Variants in OPCML observed in about 807,000 individuals in gnomAD.
OPCML encodes the protein opioid binding protein/cell adhesion molecule like.
OPCML carries 13 observed loss-of-function variants against 37.8 expected under a neutral mutation model. That is an observed-to-expected ratio of 0.34 (90% CI 0.22 to 0.55). OPCML has a LOEUF of 0.55. OPCML is among the 20% of genes least tolerant of loss of function. The pLI, the probability that OPCML is intolerant of heterozygous loss-of-function variation, is 0.91. For synonymous variants in OPCML, 176 were observed against 168.8 expected, an observed-to-expected ratio of 1.04 and a Z score of -0.33; for missense variants, 341 against 435.6, an observed-to-expected ratio of 0.78 and a Z score of 1.93.
chr11:132,694,177 GTCT>G lies in OPCML; in HGVS notation c.147-36861_147-36859del, dbSNP rs1565781246. Among the ~76,000 whole-genome samples the G allele has an allele frequency of 4.5e-4, 29 of 63,942 alleles. 2 individuals are homozygous for G. Among genetic ancestry groups the G allele is most frequent in the African/African-American group, 1.6e-3 (28 of 17,018 alleles). The allele number at this position is 63,942 out of a possible 152,430, so 41.9% of individuals were successfully genotyped here. On this transcript the variant is annotated intron_variant, in intron 2 of 7. Coordinates refer to ENST00000524381, the MANE Select transcript of OPCML (RefSeq NM_001012393.5). The stretch of plus-strand genomic sequence containing the variant: ...AAGAGTTTCGTTCTGTGAAATCAAT[GTCT>G]TTTTTTTTTTTTTTTTTTTTTTTTT...
At chr11:133,065,927 GC>G (rs1948435465) in intron 1 of OPCML, 1 of 152,546 alleles carries the variant, frequency 6.6e-6, no homozygotes, top group South Asian at 2.1e-4. Context: ...GCTCCATCCT[GC>G]CTGTCCACAC....
At chr11:133,377,547 C>T (rs949310958) in intron 1 of OPCML, among the ~76,000 whole-genome samples, 1 of 141,682 alleles carries the variant, frequency 7.1e-6, no homozygotes, top group African/African-American at 2.5e-5. Flanking sequence ...TGGCCCCAAC[C>T]TCCACCTTCC....
intron 2 of OPCML, among the ~76,000 whole-genome samples, chr11:132,754,856 C>A (rs1205397477): frequency 2.6e-5 from 4 of 152,082 alleles, no homozygotes; most frequent in African/African-American, 9.7e-5. Flanking sequence ...TTCTGGAAAT[C>A]AAGCAGTTCA....
At chr11:133,090,279 C>G (rs780913045) in intron 1 of OPCML, among the ~76,000 whole-genome samples, 1 of 152,022 alleles carries the variant, frequency 6.6e-6, no homozygotes, top group Non-Finnish European at 1.5e-5. Context: ...CAACACATAC[C>G]TAAAATGGGG....
chr11:133,168,451 C>T (rs929659160), intron 1 of OPCML, among the ~76,000 whole-genome samples: 1 of 151,818 alleles, frequency 6.6e-6, no homozygotes, highest in Admixed American at 6.6e-5. Context: ...CATTGTGGCC[C>T]AATGTTCAAT....
Position 132,444,498 on chromosome 11 carries a change from C to T in OPCML, c.506-7139G>A, listed in dbSNP as rs138086676. ...TAACCTGAGTCTTGTACTGTTTACCCTTCTTCCTAGTCCATTGTCCAAGTT... is the reference window on the plus strand; with the variant it reads ...TAACCTGAGTCTTGTACTGTTTACCTTTCTTCCTAGTCCATTGTCCAAGTT... On this transcript the variant is annotated intron_variant, in intron 4 of 7. Transcript: ENST00000524381. Among the ~76,000 whole-genome samples, 324 of 152,308 alleles carry T rather than the reference C, an allele frequency of 2.1e-3. 1 individual carries two copies. The highest frequency in any genetic ancestry group is 7.6e-3 in the African/African-American group (315 of 41,578).
intron 4 of OPCML, among the ~76,000 whole-genome samples, chr11:132,445,904 T>C (rs74735801): frequency 6.6e-6 from 1 of 152,162 alleles, no homozygotes; most frequent in South Asian, 2.1e-4. Flanking sequence ...ATGAAAAATA[T>C]ACCATCATGA....
intron 1 of OPCML, among the ~76,000 whole-genome samples, chr11:133,277,447 C>T (rs1390170855): frequency 4.6e-5 from 7 of 151,850 alleles, no homozygotes; most frequent in African/African-American, 1.7e-4. Context: ...TTAATTTATA[C>T]ATTAGTTTAG....
At chr11:132,440,410 T>G (rs1039804110) in intron 4 of OPCML, among the ~76,000 whole-genome samples, 1 of 151,686 alleles carries the variant, frequency 6.6e-6, no homozygotes, top group East Asian at 2.0e-4. Context: ...TTCTGACACA[T>G]GCCCAGGGGC....
chr11:132,424,525 G>T (rs1328991081), intron 7 of OPCML, among the ~76,000 whole-genome samples: 1 of 152,142 alleles, frequency 6.6e-6, no homozygotes, highest in East Asian at 1.9e-4. Context: ...CAGACTTCCT[G>T]GAAGCATAAC....
intron 2 of OPCML, among the ~76,000 whole-genome samples, chr11:132,877,107 A>G (rs1424835691): frequency 6.6e-6 from 1 of 152,200 alleles, no homozygotes; most frequent in Non-Finnish European, 1.5e-5. Flanking sequence ...CACAGTCGCC[A>G]TTTAAAAGTG....
chr11:133,004,527 G>C, intron 1 of OPCML: 1 of 985,342 alleles, frequency 1.0e-6, no homozygotes, highest in Non-Finnish European at 1.2e-6. Flanking sequence ...GGTCGGCCTT[G>C]GCCATGCACC....
chr11:133,108,061 G>A (rs1488436002), intron 1 of OPCML, among the ~76,000 whole-genome samples: 1 of 152,188 alleles, frequency 6.6e-6, no homozygotes, highest in African/African-American at 2.4e-5. Flanking sequence ...CACAAAAGCA[G>A]AGCAGCCAAA....
chr11:132,532,833 G>A (rs1008477243), intron 3 of OPCML, among the ~76,000 whole-genome samples: 2 of 152,136 alleles, frequency 1.3e-5, no homozygotes, highest in Non-Finnish European at 2.9e-5. Flanking sequence ...TGCTTGCCAA[G>A]GAAGGTATTC....
intron 7 of OPCML, among the ~76,000 whole-genome samples, chr11:132,420,594 A>G (rs1451304694): frequency 6.6e-6 from 1 of 152,204 alleles, no homozygotes; most frequent in African/African-American, 2.4e-5. Context: ...GGAAAGGCAG[A>G]CCTGCTGGCT....
chr11:133,092,608 C>T (rs1168149621), intron 1 of OPCML, among the ~76,000 whole-genome samples: 2 of 152,088 alleles, frequency 1.3e-5, no homozygotes, highest in Non-Finnish European at 2.9e-5. Flanking sequence ...CACCTGTAGT[C>T]CCAGCTACTC....
chr11:133,440,936 T>C (rs887177019), intron 1 of OPCML, among the ~76,000 whole-genome samples: 2 of 150,678 alleles, frequency 1.3e-5, no homozygotes, highest in Non-Finnish European at 3.0e-5. Context: ...TCAAAGTAAA[T>C]ATATAAATAA....
At chr11:133,207,974 T>C (rs1445579115) in intron 1 of OPCML, among the ~76,000 whole-genome samples, 1 of 152,162 alleles carries the variant, frequency 6.6e-6, no homozygotes, top group African/African-American at 2.4e-5. Flanking sequence ...TTTCCCTCCT[T>C]TACCCATCTA....
chr11:133,203,132 C>A (rs1387833366), intron 1 of OPCML, among the ~76,000 whole-genome samples: 1 of 152,154 alleles, frequency 6.6e-6, no homozygotes, highest in African/African-American at 2.4e-5. Flanking sequence ...ATAACAAAGC[C>A]CGTGGTAACT....
Sources: gnomAD v4.1 joint callset for allele counts (sites outside exome capture counted in the v4.1 genomes callset) on GRCh38, gnomAD v4.1.1 for gene constraint, MANE v1.5 for transcripts, NCBI Gene and HGNC (gene_info 2026-07-23, HGNC 2026-07-21) for gene names.